The following FCHO2 variants were observed in gnomAD, a reference collection of about 807,000 sequenced individuals.
FCHO2 encodes FCH and mu domain containing endocytic adaptor 2, also known as F-BAR domain only protein 2.
In FCHO2, 43 loss-of-function variants were observed where a neutral mutation model predicts 114.1. The observed-to-expected ratio is 0.38, with a 90% confidence interval of 0.30 to 0.49. The LOEUF (loss-of-function observed/expected upper bound fraction) is 0.49, where lower values mean the gene tolerates loss of function less well. Ranked by LOEUF, FCHO2 falls within the 20% of genes least tolerant of loss-of-function variation. The pLI, the probability that FCHO2 is intolerant of heterozygous loss-of-function variation, is 0.97. For missense variants in FCHO2, 807 were observed against 950.4 expected (o/e 0.85, Z 1.98); for synonymous variants, 293 against 315.2 (o/e 0.93, Z 0.75).
At chr5:72,977,026 T>C (rs1752929273) in intron 2 of FCHO2, among the ~76,000 whole-genome samples, 1 of 152,218 alleles carries the variant, frequency 6.6e-6, no homozygotes, top group South Asian at 2.1e-4. Context: ...AGTCTGTGAT[T>C]GATGTGCATT....
intron 1 of FCHO2, among the ~76,000 whole-genome samples, chr5:72,968,159 C>G (rs926890195): frequency 6.6e-6 from 1 of 151,102 alleles, no homozygotes; most frequent in Non-Finnish European, 1.5e-5. Context: ...CTCCTGACCT[C>G]GTGATCCGCC....
intron 24 of FCHO2, among the ~76,000 whole-genome samples, chr5:73,086,854 T>C (rs1461850902): frequency 2.0e-5 from 3 of 152,220 alleles, no homozygotes; most frequent in African/African-American, 7.2e-5. Context: ...ATATAGATGC[T>C]ATTTCGTTAA....
chr5:73,041,803 A>C (rs919397055), intron 11 of FCHO2, among the ~76,000 whole-genome samples: 1 of 152,112 alleles, frequency 6.6e-6, no homozygotes, highest in African/African-American at 2.4e-5. Flanking sequence ...TCTTGATTAA[A>C]TGTATTTCTT....
chr5:72,985,982 A>G (rs1186987956), intron 2 of FCHO2, among the ~76,000 whole-genome samples: 2 of 151,964 alleles, frequency 1.3e-5, no homozygotes, highest in Non-Finnish European at 2.9e-5. Context: ...TTACTCATTT[A>G]TCTGACTTTT....
chr5:73,025,473 G>A (rs1194585096), intron 8 of FCHO2, among the ~76,000 whole-genome samples: 2 of 151,632 alleles, frequency 1.3e-5, no homozygotes, highest in Non-Finnish European at 2.9e-5. Context: ...CCGCCTGCCG[G>A]GTTCAAGCAA....
intron 11 of FCHO2, among the ~76,000 whole-genome samples, chr5:73,043,324 A>C (rs2112814095): frequency 6.6e-6 from 1 of 152,256 alleles, no homozygotes; most frequent in African/African-American, 2.4e-5. Context: ...CCCAAAAAAG[A>C]AATGTGAGTT....
At chr5:73,036,697 T>C (rs1000092244) in intron 9 of FCHO2, among the ~76,000 whole-genome samples, 3 of 152,118 alleles carry the variant, frequency 2.0e-5, no homozygotes, top group Non-Finnish European at 2.9e-5. Flanking sequence ...TTCTAATGGG[T>C]CTGCTGTATC....
rs1743162858 is a variant in FCHO2, at chr5:73,082,821, T to C, written c.2241T>C (p.Asn747=). ...CTAGTATTTCAGAAAAATCAGAAAA[T>C]GGAGGTAAGTGTGTGTGTCCTTTTT... The part of the protein sequence containing the change: ...KLSSISEKSE[N]GGSGSLRAKF... Residue 747 remains asparagine, a synonymous_variant, in exon 24 of 26, where the codon AAT becomes AAC. Transcript: ENST00000430046. The C allele has an allele frequency of 6.2e-7, 1 of 1,601,106 alleles. No individual in the cohort carries two copies. Among genetic ancestry groups the C allele is most frequent in the South Asian group, 1.1e-5 (1 of 88,598 alleles).
In FCHO2 at chr5:73,084,966, C is replaced by G. The variant is rs369463714; in HGVS notation, c.2245+2141C>G. Among the ~76,000 whole-genome samples the G allele has an allele frequency of 4.6e-5, 7 of 152,286 alleles. No homozygotes were observed. In the East Asian group the frequency reaches 5.8e-4, roughly 13 times the overall value. On this transcript the variant is annotated intron_variant, in intron 24 of 25. Transcript: ENST00000430046. ...TCCTGTTTGCATTAAGGGCTTATAA[C>G]CAGTTTAGAAGGACAAAAGGATCTT...
At chr5:73,040,181 C>T (rs1478918854) in intron 10 of FCHO2, among the ~76,000 whole-genome samples, 1 of 152,076 alleles carries the variant, frequency 6.6e-6, no homozygotes, top group Non-Finnish European at 1.5e-5. Flanking sequence ...ACACACATTG[C>T]GTATCCTTTG....
intron 19 of FCHO2, among the ~76,000 whole-genome samples, chr5:73,073,847 A>T (rs1313967610): frequency 6.6e-6 from 1 of 152,138 alleles, no homozygotes; most frequent in African/African-American, 2.4e-5. Context: ...GTTGACCTAG[A>T]TTATTTATTT....
chr5:73,064,495 A>G (rs1397882934), intron 18 of FCHO2, among the ~76,000 whole-genome samples: 1 of 152,026 alleles, frequency 6.6e-6, no homozygotes, highest in Admixed American at 6.6e-5. Context: ...TTTGCCTTTG[A>G]TCTGGTTTGT....
chr5:73,087,926 A>G, intron 25 of FCHO2, 142 bp from the exon 26 acceptor site: 5 of 1,387,792 alleles, frequency 3.6e-6, no homozygotes, highest in Admixed American at 3.9e-5. Flanking sequence ...TACGGTCAGT[A>G]TAGCTGAACA....
chr5:73,061,766 T>C (rs955417824), intron 17 of FCHO2, among the ~76,000 whole-genome samples: 1 of 152,120 alleles, frequency 6.6e-6, no homozygotes, highest in Non-Finnish European at 1.5e-5. Context: ...AGAGATTGCA[T>C]TGTAAAGCTG....
chr5:73,026,450 A>T (rs1755921152), intron 8 of FCHO2, among the ~76,000 whole-genome samples: 1 of 152,024 alleles, frequency 6.6e-6, no homozygotes. Flanking sequence ...AGCCTGGACG[A>T]CAAGAGCAAG....
intron 17 of FCHO2, among the ~76,000 whole-genome samples, chr5:73,060,590 A>G (rs2112856345): frequency 6.6e-6 from 1 of 152,104 alleles, no homozygotes; most frequent in East Asian, 1.9e-4. Context: ...CTTCTCTCCC[A>G]TCTTAACATC....
At position 72,979,378 on chromosome 5, in the gene FCHO2, C is replaced by CTTTTTTTTTT. The variant is rs60234739; in HGVS notation, c.126-10027_126-10018dup. Among the ~76,000 whole-genome samples, 15 of 49,792 alleles carry CTTTTTTTTTT rather than the reference C, an allele frequency of 3.0e-4. 2 individuals are homozygous for CTTTTTTTTTT. Among genetic ancestry groups the CTTTTTTTTTT allele is most frequent in the Non-Finnish European group, 4.4e-4 (13 of 29,554 alleles). The allele number at this position is 49,792 out of a possible 152,430, so 32.7% of individuals were successfully genotyped here. Reference sequence around the variant, plus strand: ...TATGTGTCCAGGAATTTATCAATTTCTTTTTTTTTTTTTTTTTTTTTTTTT... The same window carrying CTTTTTTTTTT: ...TATGTGTCCAGGAATTTATCAATTTCTTTTTTTTTTTTTTTTTTTTTTTTTTTTTTTTTTT... On this transcript the variant is annotated intron_variant, in intron 2 of 25. Transcript: ENST00000430046.
At position 73,021,071 on chromosome 5, in the gene FCHO2, G is replaced by A. The variant is rs1755599971; in HGVS notation, c.796+3763G>A. On this transcript the variant is annotated intron_variant, in intron 8 of 25. Coordinates refer to ENST00000430046, the MANE Select transcript of FCHO2 (RefSeq NM_138782.3). ...AAGTTTACCTGGTCCTCTCCCTCTG[G>A]AAAGAAGACATTGATGATTCGGTCC... 9.1e-6 allele frequency: 8 copies of A among 880,100 alleles called. No homozygotes were observed. In the South Asian group the frequency reaches 1.0e-4, roughly 11 times the overall value. The allele number at this position is 880,100 out of a possible 1,614,324, so 54.5% of individuals were successfully genotyped here.
intron 16 of FCHO2, among the ~76,000 whole-genome samples, chr5:73,057,271 T>C (rs1757641743): frequency 6.6e-6 from 1 of 152,106 alleles, no homozygotes. Flanking sequence ...GTTAAATAGG[T>C]AGTTTACAAT....
Sources: allele counts gnomAD v4.1 joint callset (sites outside exome capture counted in the v4.1 genomes callset), GRCh38; gene constraint gnomAD v4.1.1; transcripts MANE v1.5; gene names NCBI Gene and HGNC (gene_info 2026-07-23, HGNC 2026-07-21).